MLN: variants seen among roughly 807,000 people sequenced by gnomAD.
The protein encoded by MLN is promotilin.
A neutral mutation model predicts 13.3 loss-of-function variants in MLN; 14 were observed. The observed-to-expected ratio is 1.05, with a 90% CI of 0.69 to 1.64. The LOEUF (loss-of-function observed/expected upper bound fraction) is 1.64. Among genes scored for constraint, MLN ranks in the 40% most tolerant of loss-of-function variants. The pLI, the probability that MLN is intolerant of heterozygous loss-of-function variation, is 0.00. For missense variants in MLN, 122 were observed against 142.9 expected, an observed-to-expected ratio of 0.85 and a Z score of 0.75; for synonymous variants, 59 against 54.7, an observed-to-expected ratio of 1.08 and a Z score of -0.34.
intron 3 of MLN, among the ~76,000 whole-genome samples, chr6:33,796,568 G>T (rs965411975): frequency 6.6e-6 from 1 of 151,752 alleles, no homozygotes; most frequent in Admixed American, 6.6e-5. Context: ...CGGGAGAGTT[G>T]CCCTGGAGGA....
intron 3 of MLN, among the ~76,000 whole-genome samples, chr6:33,798,019 C>A (rs1767963837): frequency 6.6e-6 from 1 of 152,206 alleles, no homozygotes; most frequent in Non-Finnish European, 1.5e-5. Context: ...GTTGCTTCCA[C>A]CTGGAAGGCT....
chr6:33,800,559 C>T lies in MLN; in HGVS notation c.117+488G>A, dbSNP rs3793081. Among the ~76,000 whole-genome samples the T allele has an allele frequency of 4.7e-4, 71 of 152,380 alleles. No individual in the cohort carries two copies. In the East Asian group the frequency reaches 0.01, roughly 22 times the overall value. Reference sequence around the variant, plus strand: ...CCTTTTCCCTGCAGGCTTCCAAGCACGCTCCAGCCCTTGGTGATTCTCCTT... The same window carrying T: ...CCTTTTCCCTGCAGGCTTCCAAGCATGCTCCAGCCCTTGGTGATTCTCCTT... On this transcript the variant is annotated intron_variant, in intron 2 of 4. Transcript: ENST00000430124.
Sources: allele counts gnomAD v4.1 joint callset (sites outside exome capture counted in the v4.1 genomes callset), GRCh38; gene constraint gnomAD v4.1.1; transcripts MANE v1.5; gene names NCBI Gene and HGNC (gene_info 2026-07-23, HGNC 2026-07-21).